Variants in SV2C observed in about 807,000 individuals in gnomAD.
The protein encoded by SV2C is synaptic vesicle glycoprotein 2C, also known as solute carrier family 22 member B3.
SV2C carries 49 observed loss-of-function variants against 79.7 expected under a neutral mutation model. The ratio of observed to expected loss-of-function variants is 0.61; its 90% CI spans 0.49 to 0.78. SV2C has a LOEUF of 0.78. Among genes scored for constraint, SV2C ranks in the 30% least tolerant of loss-of-function variants. SV2C has a pLI of 0.00. For synonymous variants in SV2C, 334 were observed against 333.2 expected, an observed-to-expected ratio of 1.00 and a Z score of -0.03; for missense variants, 833 against 912.9, an observed-to-expected ratio of 0.91 and a Z score of 1.13.
In SV2C at chr5:76,325,249, C is replaced by G. The variant is rs1334304955; in HGVS notation, c.2001-115C>G. The G allele has an allele frequency of 2.0e-5, 22 of 1,095,558 alleles. No homozygotes were observed. The East Asian group carries it at 5.0e-4, about 25-fold the overall frequency. 67.9% of individuals were successfully genotyped at this position (1,095,558 alleles called of 1,614,324 possible). A position where few individuals can be genotyped will look rare whatever the true frequency, so the allele number is the denominator to read the frequency against. Reference sequence around the variant, plus strand: ...TGCTAACAAGCATTGATTTGCTCCACTGATATACAACACAATCTGAGGGAA... The same window carrying G: ...TGCTAACAAGCATTGATTTGCTCCAGTGATATACAACACAATCTGAGGGAA... On this transcript the variant is annotated intron_variant, in intron 12 of 12. Coordinates refer to ENST00000502798, the MANE Select transcript of SV2C (RefSeq NM_014979.4).
At chr5:76,301,151 A>G (rs779064410) in intron 11 of SV2C, among the ~76,000 whole-genome samples, 14 of 152,338 alleles carry the variant, frequency 9.2e-5, no homozygotes, top group Admixed American at 5.2e-4. Flanking sequence ...TGTAAAATGT[A>G]TATTTTCCCA....
chr5:76,025,554 CAT>C, the SV2C span, among the ~76,000 whole-genome samples: 1 of 152,156 alleles, frequency 6.6e-6, no homozygotes, highest in Non-Finnish European at 1.5e-5. Flanking sequence ...AATATCATCA[CAT>C]GTGCTAAAAG....
At chr5:76,061,413 T>C in the SV2C span, among the ~76,000 whole-genome samples, 1 of 151,902 alleles carries the variant, frequency 6.6e-6, no homozygotes, top group Non-Finnish European at 1.5e-5. Flanking sequence ...TGACAAACAG[T>C]GAATCACTGC....
the SV2C span, among the ~76,000 whole-genome samples, chr5:76,067,166 TTGAG>T: frequency 0.036 from 5,525 of 152,248 alleles, 341 homozygotes; most frequent in African/African-American, 0.13. Flanking sequence ...ATTAGTAAAA[TTGAG>T]TATTTCTTCA....
the SV2C span, among the ~76,000 whole-genome samples, chr5:75,875,010 C>A: frequency 6.6e-6 from 1 of 152,094 alleles, no homozygotes; most frequent in Admixed American, 6.6e-5. Flanking sequence ...CAATGCTATT[C>A]CTATTGAACT....
intron 12 of SV2C, among the ~76,000 whole-genome samples, chr5:76,350,305 G>C (rs1023009901): frequency 1.3e-5 from 2 of 152,102 alleles, no homozygotes; most frequent in African/African-American, 4.8e-5. Flanking sequence ...AGAAGCAAAG[G>C]GCCAGGAAGA....
At chr5:76,154,794 A>G (rs1742668883) in intron 2 of SV2C, among the ~76,000 whole-genome samples, 4 of 152,236 alleles carry the variant, frequency 2.6e-5, no homozygotes, top group African/African-American at 9.6e-5. Context: ...TTTATTTGCC[A>G]AGGTTAAGGA....
chr5:75,914,998 G>A, the SV2C span, among the ~76,000 whole-genome samples: 8 of 152,094 alleles, frequency 5.3e-5, no homozygotes, highest in African/African-American at 1.7e-4. Context: ...GCTTGTGCAG[G>A]GAAACTCCCC....
intron 2 of SV2C, among the ~76,000 whole-genome samples, chr5:76,192,056 C>T (rs1321701416): frequency 6.6e-6 from 1 of 152,182 alleles, no homozygotes; most frequent in African/African-American, 2.4e-5. Flanking sequence ...GCCTGTTTCA[C>T]ATCTTTGGAG....
chr5:76,266,821 A>G (rs1001556736), intron 4 of SV2C, among the ~76,000 whole-genome samples: 1 of 152,152 alleles, frequency 6.6e-6, no homozygotes, highest in African/African-American at 2.4e-5. Context: ...GGGAAGTTTC[A>G]TGTTATGTAT....
chr5:75,912,623 C>G, the SV2C span, among the ~76,000 whole-genome samples: 3 of 152,164 alleles, frequency 2.0e-5, no homozygotes, highest in Non-Finnish European at 4.4e-5. Context: ...TCAGACATGA[C>G]CCCATTCTTG....
At chr5:76,034,597 G>T in the SV2C span, among the ~76,000 whole-genome samples, 1 of 152,186 alleles carries the variant, frequency 6.6e-6, no homozygotes, top group African/African-American at 2.4e-5. Flanking sequence ...CAGGGATGAA[G>T]CCCACTTGAT....
At chr5:75,994,878 GGGGCC>G in the SV2C span, among the ~76,000 whole-genome samples, 1 of 152,114 alleles carries the variant, frequency 6.6e-6, no homozygotes, top group Non-Finnish European at 1.5e-5. Context: ...TGAGAACGAG[GGGGCC>G]ATTGGTGTAA....
the SV2C span, among the ~76,000 whole-genome samples, chr5:75,904,303 G>C: frequency 6.6e-6 from 1 of 152,042 alleles, no homozygotes; most frequent in Non-Finnish European, 1.5e-5. Flanking sequence ...CACTGAATGG[G>C]GGCTCTTAAG....
rs144778587 is a variant in SV2C, at chr5:76,160,115, G to T, written c.580+27785G>T. 6.1e-3 allele frequency among the ~76,000 whole-genome samples: 925 copies of T among 152,144 alleles called. 7 individuals are homozygous for T. Among genetic ancestry groups the T allele is most frequent in the Middle Eastern group, 0.01 (3 of 294 alleles). The stretch of plus-strand genomic sequence containing the variant: ...ATCCTAGATTGGAAGACAAGGTTAG[G>T]GTGGAAATCCTTTGCAAATGAATCT... On this transcript the variant is annotated intron_variant, in intron 2 of 12. Coordinates refer to ENST00000502798, the MANE Select transcript of SV2C (RefSeq NM_014979.4).
At chr5:76,199,776 T>C (rs989085520) in intron 3 of SV2C, among the ~76,000 whole-genome samples, 2 of 152,258 alleles carry the variant, frequency 1.3e-5, no homozygotes, top group South Asian at 4.1e-4. Flanking sequence ...ACTTGATCTG[T>C]ATAAGTAGAA....
chr5:75,897,380 A>G, the SV2C span, among the ~76,000 whole-genome samples: 4 of 151,512 alleles, frequency 2.6e-5, no homozygotes, highest in Non-Finnish European at 5.9e-5. Context: ...ATAGTTGTAG[A>G]TATGCGGCGT....
chr5:76,019,125 C>T, the SV2C span, among the ~76,000 whole-genome samples: 1 of 152,022 alleles, frequency 6.6e-6, no homozygotes, highest in Non-Finnish European at 1.5e-5. Flanking sequence ...ATTGGAAAAT[C>T]TAATCAACAG....
the SV2C span, among the ~76,000 whole-genome samples, chr5:75,995,589 T>C: frequency 6.6e-6 from 1 of 152,098 alleles, no homozygotes; most frequent in Non-Finnish European, 1.5e-5. Flanking sequence ...ACAAATAAGA[T>C]AACAACCATA....
Sources: allele counts gnomAD v4.1 joint callset (sites outside exome capture counted in the v4.1 genomes callset), GRCh38; gene constraint gnomAD v4.1.1; transcripts MANE v1.5; gene names NCBI Gene and HGNC (gene_info 2026-07-23, HGNC 2026-07-21).